Variants in FSTL5 observed in about 807,000 individuals in gnomAD.
FSTL5 encodes follistatin like 5, also known as follistatin-related protein 5.
FSTL5 carries 62 observed loss-of-function variants against 89.1 expected under a neutral mutation model. The observed-to-expected ratio is 0.70, with a 90% CI of 0.57 to 0.86. FSTL5 has a LOEUF of 0.86. Among genes scored for constraint, FSTL5 ranks in the 40% least tolerant of loss-of-function variants. FSTL5 has a pLI of 0.00. For synonymous variants in FSTL5, 383 were observed against 346.2 expected (o/e 1.11, Z -1.18); for missense variants, 1,057 against 1,001.6 (o/e 1.06, Z -0.75).
At chr4:161,809,169 T>G (rs1730065791) in intron 4 of FSTL5, among the ~76,000 whole-genome samples, 2 of 152,082 alleles carry the variant, frequency 1.3e-5, no homozygotes, top group Admixed American at 6.6e-5. Flanking sequence ...CAGTGAGCCA[T>G]GATGGCGCCA....
At chr4:161,762,012 C>T (rs1269562046) in intron 5 of FSTL5, among the ~76,000 whole-genome samples, 1 of 152,002 alleles carries the variant, frequency 6.6e-6, no homozygotes. Context: ...TATGACTTTT[C>T]TTCTTTTCTG....
At chr4:161,762,547 T>C (rs1740844308) in intron 5 of FSTL5, among the ~76,000 whole-genome samples, 1 of 152,204 alleles carries the variant, frequency 6.6e-6, no homozygotes, top group Non-Finnish European at 1.5e-5. Context: ...AAATATGTTG[T>C]GATGATACTT....
At chr4:161,944,820 A>G (rs1406849647) in intron 3 of FSTL5, among the ~76,000 whole-genome samples, 2 of 151,716 alleles carry the variant, frequency 1.3e-5, no homozygotes, top group Non-Finnish European at 2.9e-5. Context: ...GTTTTTATGT[A>G]TTTAGAATAG....
intron 1 of FSTL5, among the ~76,000 whole-genome samples, chr4:162,126,111 AT>A (rs1393276503): frequency 7.9e-5 from 12 of 152,182 alleles, no homozygotes; most frequent in Admixed American, 7.8e-4. Flanking sequence ...TAAGAAATCA[AT>A]TTTTATTACA....
chr4:162,093,226 A>G (rs933921678), intron 2 of FSTL5, among the ~76,000 whole-genome samples: 3 of 152,176 alleles, frequency 2.0e-5, no homozygotes, highest in Non-Finnish European at 4.4e-5. Flanking sequence ...ACTGAAATAC[A>G]GCAGTGCTCA....
chr4:161,680,943 C>T (rs1398370712), intron 6 of FSTL5, among the ~76,000 whole-genome samples: 2 of 151,928 alleles, frequency 1.3e-5, no homozygotes, highest in Non-Finnish European at 2.9e-5. Context: ...TAAAGGAAAA[C>T]ATAATAAATC....
At chr4:161,485,164 C>T (rs968157434) in intron 12 of FSTL5, among the ~76,000 whole-genome samples, 1 of 152,120 alleles carries the variant, frequency 6.6e-6, no homozygotes, top group Non-Finnish European at 1.5e-5. Flanking sequence ...TACTTACTAC[C>T]TGGCCATTTG....
At chr4:161,392,382 T>C (rs1730849858) in intron 15 of FSTL5, among the ~76,000 whole-genome samples, 1 of 151,998 alleles carries the variant, frequency 6.6e-6, no homozygotes, top group African/African-American at 2.4e-5. Context: ...ATATACCACA[T>C]GCCTTGCTAA....
intron 15 of FSTL5, among the ~76,000 whole-genome samples, chr4:161,414,409 T>G (rs1009315272): frequency 6.6e-6 from 1 of 152,192 alleles, no homozygotes; most frequent in African/African-American, 2.4e-5. Flanking sequence ...ATATTATTCA[T>G]ACATTTAGAT....
chr4:161,745,935 T>C (rs192007815), intron 6 of FSTL5, among the ~76,000 whole-genome samples: 2 of 152,320 alleles, frequency 1.3e-5, no homozygotes, highest in East Asian at 1.9e-4. Flanking sequence ...GATATTCTTT[T>C]AATCTAAGTT....
At chr4:161,991,395 T>G (rs548196833) in intron 3 of FSTL5, among the ~76,000 whole-genome samples, 78 of 152,240 alleles carry the variant, frequency 5.1e-4, no homozygotes, top group Non-Finnish European at 6.8e-4. Context: ...TTCCTTTCAC[T>G]CAGGTCAATA....
At chr4:161,665,067 G>A (rs116383849) in intron 6 of FSTL5, among the ~76,000 whole-genome samples, 1,964 of 152,040 alleles carry the variant, frequency 0.013, 49 homozygotes, top group African/African-American at 0.045. Flanking sequence ...TTGAGATTTG[G>A]GTGCAGACCC....
At chr4:161,715,248 G>A (rs1738935074) in intron 6 of FSTL5, among the ~76,000 whole-genome samples, 1 of 152,044 alleles carries the variant, frequency 6.6e-6, no homozygotes, top group Admixed American at 6.6e-5. Flanking sequence ...GCATATTAAG[G>A]TGAGCCATGC....
chr4:161,629,931 G>C (rs1157705937), intron 7 of FSTL5, among the ~76,000 whole-genome samples: 1 of 152,134 alleles, frequency 6.6e-6, no homozygotes, highest in East Asian at 1.9e-4. Context: ...CTTCCAGTCG[G>C]AGGCTCAGGA....
chr4:161,933,099 T>A (rs1186279563), intron 3 of FSTL5, among the ~76,000 whole-genome samples: 1 of 152,180 alleles, frequency 6.6e-6, no homozygotes, highest in East Asian at 1.9e-4. Flanking sequence ...TTACTGTCCA[T>A]TTTACATTGT....
intron 10 of FSTL5, among the ~76,000 whole-genome samples, chr4:161,520,134 A>G (rs1446205581): frequency 6.6e-6 from 1 of 152,086 alleles, no homozygotes; most frequent in Non-Finnish European, 1.5e-5. Flanking sequence ...GAATCATTAG[A>G]GAAGTAGACT....
At chr4:161,833,352 A>C (rs1157985250) in intron 4 of FSTL5, among the ~76,000 whole-genome samples, 1 of 151,204 alleles carries the variant, frequency 6.6e-6, no homozygotes, top group Non-Finnish European at 1.5e-5. Flanking sequence ...AAAAATGTAT[A>C]TTCTGTTGAT....
chr4:161,713,736 T>C (rs1169949784), intron 6 of FSTL5, among the ~76,000 whole-genome samples: 1 of 152,046 alleles, frequency 6.6e-6, no homozygotes, highest in South Asian at 2.1e-4. Context: ...GTTTTATAAT[T>C]AATTTTTTTC....
Position 161,386,530 on chromosome 4 carries a change from G to A in FSTL5, c.1842-81C>T, listed in dbSNP as rs1730653397. Reference sequence around the variant, plus strand: ...GAAAAAAACTAGATACAGGTGGAAAGGTCCATCGCAGGCTCTAATTGTCAG... The same window carrying A: ...GAAAAAAACTAGATACAGGTGGAAAAGTCCATCGCAGGCTCTAATTGTCAG... On this transcript the variant is annotated intron_variant, in intron 15 of 15. Transcript: ENST00000306100. The A allele has an allele frequency of 4.4e-6, 4 of 914,782 alleles. No individual in the cohort carries two copies. The South Asian group carries it at 5.2e-5, about 12-fold the overall frequency. The allele number at this position is 914,782 out of a possible 1,614,324, so 56.7% of individuals were successfully genotyped here.
Sources: gnomAD v4.1 joint callset for allele counts (sites outside exome capture counted in the v4.1 genomes callset) on GRCh38, gnomAD v4.1.1 for gene constraint, MANE v1.5 for transcripts, NCBI Gene and HGNC (gene_info 2026-07-23, HGNC 2026-07-21) for gene names.